Variants in ATP11C observed in about 807,000 individuals in gnomAD.
The protein encoded by ATP11C is ATPase phospholipid transporting 11C (ATP11C blood group).
ATP11C carries 36 observed loss-of-function variants against 97.4 expected under a neutral mutation model. That is an observed-to-expected ratio of 0.37 (90% confidence interval 0.28 to 0.49). The LOEUF (loss-of-function observed/expected upper bound fraction) is 0.49, where lower values mean the gene tolerates loss of function less well. Ranked by LOEUF, ATP11C falls within the 20% of genes least tolerant of loss-of-function variation. ATP11C has a pLI of 0.98. For missense variants in ATP11C, 730 were observed against 824.6 expected, an observed-to-expected ratio of 0.89 and a Z score of 1.40; for synonymous variants, 275 against 290.9, an observed-to-expected ratio of 0.95 and a Z score of 0.56.
intron 1 of ATP11C, among the ~76,000 whole-genome samples, chrX:139,915,578 G>T (rs1028548927): frequency 9.1e-6 from 1 of 109,676 alleles, no homozygotes; most frequent in African/African-American, 3.3e-5. Context: ...GCTGAGGCAC[G>T]AAAATAATTT....
intron 1 of ATP11C, among the ~76,000 whole-genome samples, chrX:139,873,436 G>A (rs767476082): frequency 9.7e-4 from 108 of 111,430 alleles, no homozygotes; most frequent in South Asian, 6.0e-3. Flanking sequence ...GGCCAGGCAT[G>A]GGGGTTCACG....
chrX:139,768,194 A>C (rs2148685008), intron 20 of ATP11C, 66 bp downstream of exon 20: 1 of 847,021 alleles, frequency 1.2e-6, no homozygotes, highest in African/African-American at 2.1e-5. Context: ...TTTTAAAAAA[A>C]TAAACATTTG....
chrX:139,766,061 T>C (rs192038343), intron 20 of ATP11C, among the ~76,000 whole-genome samples: 15 of 111,891 alleles, frequency 1.3e-4, no homozygotes, highest in African/African-American at 4.5e-4. Context: ...GGTTGGACTC[T>C]AGAGAAGTCA....
chrX:139,884,990 CAGAG>C (rs1488947316), intron 1 of ATP11C, among the ~76,000 whole-genome samples: 1 of 111,366 alleles, frequency 9.0e-6, no homozygotes, highest in Non-Finnish European at 1.9e-5. Flanking sequence ...ACATGAGGCT[CAGAG>C]AGACAAATGT....
intron 16 of ATP11C, 95 bp from the exon 17 acceptor site, chrX:139,783,362 G>A (rs2082504539): frequency 1.7e-6 from 1 of 582,110 alleles, no homozygotes; most frequent in African/African-American, 2.3e-5. Context: ...TCTCACCCAA[G>A]TGTTGTATAT....
At chrX:139,818,209 C>T (rs981408060) in intron 3 of ATP11C, among the ~76,000 whole-genome samples, 5 of 111,788 alleles carry the variant, frequency 4.5e-5, no homozygotes, top group African/African-American at 1.6e-4. Context: ...CACTGTATAC[C>T]CAAAGCATTC....
intron 4 of ATP11C, among the ~76,000 whole-genome samples, chrX:139,815,733 G>C (rs1483309690): frequency 9.0e-6 from 1 of 110,717 alleles, no homozygotes; most frequent in African/African-American, 3.3e-5. Context: ...TTTTTTCGTT[G>C]TAAGAATGTC....
intron 1 of ATP11C, among the ~76,000 whole-genome samples, chrX:139,858,213 C>T (rs962766069): frequency 8.9e-6 from 1 of 112,488 alleles, no homozygotes; most frequent in Non-Finnish European, 1.9e-5. Context: ...ATGAACTACC[C>T]AGTCTGTTAG....
chrX:139,846,712 T>C (rs1339962229), intron 1 of ATP11C, among the ~76,000 whole-genome samples: 3 of 111,237 alleles, frequency 2.7e-5, no homozygotes, highest in Non-Finnish European at 3.8e-5. Context: ...ATTTCTAAAA[T>C]AGCGTGTTCA....
rs1345014981 is a variant in ATP11C, at chrX:139,729,504, TC to T, written c.*4-543del. ...TCCTTTTTACTGAAAGAAGCATATT[TC>T]CCCCCTACAATATGGAAGTTAATTT... is the stretch of plus-strand genomic sequence containing the variant. On this transcript the variant is annotated intron_variant, in intron 29 of 29. Coordinates refer to ENST00000682941, the MANE Select transcript of ATP11C (RefSeq NM_001353812.2). Among the ~76,000 whole-genome samples the T allele has an allele frequency of 2.7e-5, 3 of 111,476 alleles. No homozygotes were observed. In the Admixed American group the frequency reaches 2.9e-4, roughly 11 times the overall value.
At chrX:139,820,997 T>C (rs1277594899) in intron 2 of ATP11C, among the ~76,000 whole-genome samples, 1 of 111,332 alleles carries the variant, frequency 9.0e-6, no homozygotes, top group Non-Finnish European at 1.9e-5. Flanking sequence ...ATCTGTATAA[T>C]ATGTGAGAAC....
intron 6 of ATP11C, among the ~76,000 whole-genome samples, chrX:139,803,558 A>G (rs1569463238): frequency 9.1e-6 from 1 of 109,941 alleles, no homozygotes; most frequent in Non-Finnish European, 1.9e-5. Context: ...GAAATAAGTT[A>G]CCCCCATTTG....
chrX:139,816,580 A>C (rs1159250272), intron 4 of ATP11C, among the ~76,000 whole-genome samples: 2 of 112,247 alleles, frequency 1.8e-5, no homozygotes, highest in African/African-American at 6.5e-5. Flanking sequence ...TGAAACAATT[A>C]ATATGCATTA....
chrX:139,885,115 A>G (rs1445427246), intron 1 of ATP11C, among the ~76,000 whole-genome samples: 1 of 110,417 alleles, frequency 9.1e-6, no homozygotes, highest in Admixed American at 9.7e-5. Context: ...CCAAATCTCA[A>G]TTTCTACCTC....
chrX:139,795,549 A>C (rs1048339213), intron 12 of ATP11C, among the ~76,000 whole-genome samples: 1 of 111,632 alleles, frequency 9.0e-6, no homozygotes, highest in Admixed American at 9.5e-5. Flanking sequence ...GCAAGCCAAA[A>C]AATTCCTTCA....
intron 1 of ATP11C, among the ~76,000 whole-genome samples, chrX:139,927,135 T>G (rs1393875950): frequency 8.9e-6 from 1 of 112,092 alleles, no homozygotes; most frequent in African/African-American, 3.2e-5. Context: ...TACCATGCCC[T>G]CTATATCTAT....
chrX:139,758,605 T>C (rs1477842797), intron 22 of ATP11C, among the ~76,000 whole-genome samples: 1 of 111,969 alleles, frequency 8.9e-6, no homozygotes, highest in African/African-American at 3.2e-5. Flanking sequence ...TGGGAATTCA[T>C]AAGGTAGTAA....
chrX:139,895,409 T>G (rs1484922403), intron 1 of ATP11C, among the ~76,000 whole-genome samples: 4 of 111,237 alleles, frequency 3.6e-5, no homozygotes, highest in African/African-American at 1.3e-4. Context: ...TAGCTGGGAT[T>G]ACAGGTGCGC....
In ATP11C at chrX:139,764,864, A is replaced by G. The variant is rs111368820; in HGVS notation, c.2392-1446T>C. On this transcript the variant is annotated intron_variant, in intron 20 of 29. Transcript: ENST00000682941. ...CTTAAAAACTTTACAGAAGACTGTCAGAAATAACCTGTAAGTGAAAGAATA... is the reference window on the plus strand; with the variant it reads ...CTTAAAAACTTTACAGAAGACTGTCGGAAATAACCTGTAAGTGAAAGAATA... Among the ~76,000 whole-genome samples, 356 of 112,160 alleles carry G rather than the reference A, an allele frequency of 3.2e-3. 2 individuals carry two copies. Among genetic ancestry groups the G allele is most frequent in the African/African-American group, 9.8e-3 (303 of 30,885 alleles).
Sources: gnomAD v4.1 joint callset for allele counts (sites outside exome capture counted in the v4.1 genomes callset) on GRCh38, gnomAD v4.1.1 for gene constraint, MANE v1.5 for transcripts, NCBI Gene and HGNC (gene_info 2026-07-23, HGNC 2026-07-21) for gene names.